TMEM176B: variants seen among roughly 807,000 people sequenced by gnomAD.
The protein encoded by TMEM176B is transmembrane protein 176B, also known as LR8-like protein.
Under a neutral mutation model 30.3 loss-of-function variants are expected in TMEM176B, and 28 were observed. The ratio of observed to expected loss-of-function variants is 0.92; its 90% CI spans 0.68 to 1.27. TMEM176B has a LOEUF of 1.27. Ranked by LOEUF, TMEM176B falls within the 50% of genes most tolerant of loss-of-function variation. The pLI is 0.00. For synonymous variants in TMEM176B, 123 were observed against 130.3 expected, an observed-to-expected ratio of 0.94 and a Z score of 0.38; for missense variants, 349 against 327.4, an observed-to-expected ratio of 1.07 and a Z score of -0.51.
At chr7:150,794,948 C>CACACACACACACA (rs71196731) in intron 2 of TMEM176B, among the ~76,000 whole-genome samples, 1 of 136,184 alleles carries the variant, frequency 7.3e-6, no homozygotes. Flanking sequence ...CACACACACA[C>CACACACACACACA]CTCTCGAATG....
chr7:150,794,533 G>A (rs1323373324), intron 2 of TMEM176B, among the ~76,000 whole-genome samples: 3 of 151,960 alleles, frequency 2.0e-5, no homozygotes, highest in African/African-American at 7.3e-5. Flanking sequence ...CTGACAGCCT[G>A]CAGTTGTCAG....
chr7:150,791,838 G>A (rs113440213), intron 6 of TMEM176B, among the ~76,000 whole-genome samples: 1,952 of 151,986 alleles, frequency 0.013, 43 homozygotes, highest in African/African-American at 0.043. Context: ...TCAGAGCAGA[G>A]GAGGGCGCAG....
In TMEM176B at chr7:150,798,707, T is replaced by C. The variant is rs1035286050; in HGVS notation, c.-6+1591A>G. Among the ~76,000 whole-genome samples, 5 of 152,306 alleles carry C rather than the reference T, an allele frequency of 3.3e-5. No individual in the cohort carries two copies. In the South Asian group the frequency reaches 8.3e-4, roughly 25 times the overall value. The stretch of plus-strand genomic sequence containing the variant: ...AATTACAGGTGTGAGCCACCACGCC[T>C]GGCCCATAGTTCTCTTATTATGAGT... On this transcript the variant is annotated intron_variant, in intron 1 of 6. Transcript: ENST00000326442.
intron 6 of TMEM176B, 67 bp from the exon 7 acceptor site, chr7:150,791,690 T>C (rs1185678771): frequency 7.1e-7 from 1 of 1,399,652 alleles, no homozygotes; most frequent in Admixed American, 2.1e-5. Context: ...ATCATAGAAC[T>C]CAGAAAGCAG....
chr7:150,791,343 A>G lies in TMEM176B; in HGVS notation c.*188T>C. The G allele has an allele frequency of 1.9e-6, 1 of 530,710 alleles. No homozygotes were observed. The highest frequency in any genetic ancestry group is 3.4e-6 in the Non-Finnish European group (1 of 298,172). 32.9% of individuals were successfully genotyped at this position (530,710 alleles called of 1,614,324 possible). A position where few individuals can be genotyped will look rare whatever the true frequency, so the allele number is the denominator to read the frequency against. ...TATTATGTTTAATCAGCATTGTGGA[A>G]AATGCAACAATATCTGTTCATGGAC... is the stretch of plus-strand genomic sequence containing the variant. On this transcript the variant is annotated 3_prime_UTR_variant, in exon 7 of 7. Transcript: ENST00000326442.
rs558222129 is a variant in TMEM176B at position 150,793,951 on chromosome 7, C to T, written c.315+10G>A. ...CCTCCCTCCAGGCTCACAGCCTGTT[C>T]CTTACTCACCACAGACCCCGCCCAG... is the stretch of plus-strand genomic sequence containing the variant. On this transcript the variant is annotated intron_variant, in intron 3 of 6. Coordinates refer to ENST00000326442, the MANE Select transcript of TMEM176B (RefSeq NM_001101312.2). 6.3e-7 allele frequency: 1 copy of T among 1,588,938 alleles called. No homozygotes were observed. Among genetic ancestry groups the T allele is most frequent in the South Asian group, 1.1e-5 (1 of 87,208 alleles).
chr7:150,796,660 G>GT, intron 1 of TMEM176B, 86 bp from the exon 2 acceptor site: 5 of 1,365,596 alleles, frequency 3.7e-6, no homozygotes, highest in Non-Finnish European at 5.1e-6. Flanking sequence ...GAGAAATAGT[G>GT]TCTTTGTCAA....
At chr7:150,801,158 C>A, upstream of TMEM176B, 1 of 220,702 alleles carries the variant, frequency 4.5e-6, no homozygotes, top group Non-Finnish European at 7.8e-6. Flanking sequence ...GCCAAGGACT[C>A]GGTCCTGTCC....
chr7:150,791,883 A>G (rs62490421), intron 6 of TMEM176B, among the ~76,000 whole-genome samples, 173 bp downstream of exon 6: 24,052 of 152,002 alleles, frequency 0.16, 1,947 homozygotes, highest in African/African-American at 0.17. Context: ...GCCCAGGACC[A>G]TGGTGATGGC....
chr7:150,793,306 A>T lies in TMEM176B; in HGVS notation c.382T>A (p.Ser128Thr). 6.2e-7 allele frequency: 1 copy of T among 1,614,004 alleles called. No homozygotes were observed. The highest frequency in any genetic ancestry group is 8.5e-7 in the Non-Finnish European group (1 of 1,179,980). The change falls in exon 5 of 7, where the codon TCC (serine) becomes ACC (threonine). Residue 128 changes from serine (S) to threonine (T), a missense_variant. Ser to Thr is a moderately conservative substitution (Grantham distance 58). Transcript: ENST00000326442. ...KHPGKLAGYI[S>T]SLLTLAGFAT... ...AAGCCTGCCAGGGTGAGCAGGCTGG[A>T]TATATAGCCCTGGAAGAGAAAGAGG...
Position 150,793,229 on chromosome 7 carries a change from T to C in TMEM176B, c.459A>G (p.Gln153=). ...VVLCVNSFIW[Q]TEPFLYIDTV... ...TGTCGATGTATAAAAAGGGTTCAGT[T>C]TGCCAGATGAAGCTATTCACGCAGA... Residue 153 remains glutamine, a synonymous_variant, in exon 5 of 7, where the codon CAA becomes CAG. Transcript: ENST00000326442. 3.7e-6 allele frequency: 6 copies of C among 1,614,220 alleles called. No homozygotes were observed. Among genetic ancestry groups the C allele is most frequent in the Non-Finnish European group, 5.1e-6 (6 of 1,180,032 alleles).
At chr7:150,798,884 A>G (rs1798640022) in intron 1 of TMEM176B, among the ~76,000 whole-genome samples, 1 of 152,168 alleles carries the variant, frequency 6.6e-6, no homozygotes, top group Non-Finnish European at 1.5e-5. Context: ...CGTTTGTGAT[A>G]TGAGTTTCAA....
Position 150,796,558 on chromosome 7 carries a change from G to A in TMEM176B, c.12C>T (p.Asn4=). MTQ[N]TVIVNGVAMA... The stretch of plus-strand genomic sequence containing the variant: ...TAGCAACTCCATTCACAATCACCGT[G>A]TTTTGCGTCATCCTGCCTGCCAGGG... The change falls in exon 2 of 7, where the codon AAC becomes AAT. Residue 4 remains asparagine, a synonymous_variant. Transcript: ENST00000326442. 1 of 1,613,974 alleles carries A rather than the reference G, an allele frequency of 6.2e-7. No individual in the cohort carries two copies. The highest frequency in any genetic ancestry group is 2.2e-5 in the East Asian group (1 of 44,896).
intron 2 of TMEM176B, 34 bp from the exon 3 acceptor site, chr7:150,794,105 C>G: frequency 6.4e-7 from 1 of 1,569,060 alleles, no homozygotes; most frequent in Non-Finnish European, 8.7e-7. Context: ...GACCCCTTCC[C>G]GTGAGTCCAC....
chr7:150,801,076 C>T (rs374685705), upstream of TMEM176B: 1 of 828,474 alleles, frequency 1.2e-6, no homozygotes, highest in Non-Finnish European at 1.5e-6. Flanking sequence ...AGCGGGAGGT[C>T]GGCGGTGGCG....
Position 150,794,003 on chromosome 7 carries a change from A to T in TMEM176B, c.273T>A (p.Thr91=). 1 of 1,613,836 alleles carries T rather than the reference A, an allele frequency of 6.2e-7. No individual in the cohort carries two copies. Among genetic ancestry groups the T allele is most frequent in the Non-Finnish European group, 8.5e-7 (1 of 1,179,882 alleles). ...LGVCLSLGPW[T]VLSASGCAFW... is the part of the protein sequence containing the mutation. The stretch of plus-strand genomic sequence containing the variant: ...AGGCACAGCCTGAGGCACTCAGCAC[A>T]GTCCAGGGCCCCAAGCTGAGACACA... Residue 91 remains threonine, a synonymous_variant, in exon 3 of 7, where the codon ACT becomes ACA. Transcript: ENST00000326442.
chr7:150,794,669 C>T (rs1798450491), intron 2 of TMEM176B, among the ~76,000 whole-genome samples: 1 of 148,548 alleles, frequency 6.7e-6, no homozygotes, highest in Non-Finnish European at 1.5e-5. Context: ...CTGCAGTGGG[C>T]AACCTTTGCC....
chr7:150,793,076 C>A lies in TMEM176B; in HGVS notation c.600+12G>T. 1 of 1,613,798 alleles carries A rather than the reference C, an allele frequency of 6.2e-7. No homozygotes were observed. The highest frequency in any genetic ancestry group is 1.1e-5 in the South Asian group (1 of 90,998). ...GTGATGGGTCCCCGAAGACTGGACT[C>A]TTCCTGCTCACCCTCAGCATCTGCA... On this transcript the variant is annotated intron_variant, in intron 5 of 6. Transcript: ENST00000326442.
rs1317518840 is a variant in TMEM176B, at chr7:150,793,982, A to T, written c.294T>A (p.Cys98Ter). 3 of 1,611,494 alleles carry T rather than the reference A, an allele frequency of 1.9e-6. No homozygotes were observed. The highest frequency in any genetic ancestry group is 2.5e-6 in the Non-Finnish European group (3 of 1,179,016). ...TCACCACAGACCCCGCCCAGAAGGCACAGCCTGAGGCACTCAGCACAGTCC... is the reference window on the plus strand; with the variant it reads ...TCACCACAGACCCCGCCCAGAAGGCTCAGCCTGAGGCACTCAGCACAGTCC... Reference protein sequence around the residue: ...GPWTVLSASGCAFWAGSVVIA... With the variant: ...GPWTVLSASG The change falls in exon 3 of 7, where the codon TGT becomes TGA. Residue 98 changes from cysteine to a stop codon, truncating the protein, a stop_gained. Coordinates refer to ENST00000326442, the MANE Select transcript of TMEM176B (RefSeq NM_001101312.2). LOFTEE classifies it high-confidence loss of function.
Sources: gnomAD v4.1 joint callset for allele counts (sites outside exome capture counted in the v4.1 genomes callset) on GRCh38, gnomAD v4.1.1 for gene constraint, MANE v1.5 for transcripts, NCBI Gene and HGNC (gene_info 2026-07-23, HGNC 2026-07-21) for gene names.